Variants in TIGD4 observed in about 807,000 individuals in gnomAD.
The protein encoded by TIGD4 is tigger transposable element-derived protein 4.
A neutral mutation model predicts 24.9 loss-of-function variants in TIGD4; 20 were observed. The ratio of observed to expected loss-of-function variants is 0.80; its 90% CI spans 0.56 to 1.17. The LOEUF is 1.17. Among genes scored for constraint, TIGD4 ranks in the 50% most tolerant of loss-of-function variants. The pLI, the probability that TIGD4 is intolerant of heterozygous loss-of-function variation, is 0.00. For missense variants in TIGD4, 566 were observed against 591.0 expected (o/e 0.96, Z 0.44); for synonymous variants, 193 against 211.0 (o/e 0.91, Z 0.74).
chr4:152,773,729 C>T (rs1027371146), intron 1 of TIGD4, among the ~76,000 whole-genome samples: 1 of 149,826 alleles, frequency 6.7e-6, no homozygotes, highest in Non-Finnish European at 1.5e-5. Context: ...AATAGCAACT[C>T]TATCTGTCAG....
rs769409339 is a variant in TIGD4, at chr4:152,770,922, T to A, written c.83A>T (p.Asp28Val). The change falls in exon 2 of 2, where the codon GAC (aspartate) becomes GTC (valine). Residue 28 changes from aspartate to valine, a missense_variant. Coordinates refer to ENST00000304337, the MANE Select transcript of TIGD4 (RefSeq NM_145720.4). The part of the protein sequence containing the change: ...KKSLSIEEKI[D>V]IINAVESGKK... ...GCCACTTTCCACTGCATTTATGATG[T>A]CGATCTTTTCCTCAATGGATAGGCT... 237 of 1,613,992 alleles carry A rather than the reference T, an allele frequency of 1.5e-4. 2 individuals carry two copies. The South Asian group carries it at 2.5e-3, about 17-fold the overall frequency.
chr4:152,778,121 T>C (rs1730291678), intron 1 of TIGD4, among the ~76,000 whole-genome samples: 1 of 151,990 alleles, frequency 6.6e-6, no homozygotes. Flanking sequence ...CCAAGGAAAC[T>C]ATGAACAAAC....
intron 1 of TIGD4, among the ~76,000 whole-genome samples, chr4:152,772,863 C>A (rs1730200439): frequency 6.6e-6 from 1 of 152,144 alleles, no homozygotes. Flanking sequence ...AGGCACACGC[C>A]ACCACGTCCA....
chr4:152,771,603 T>C (rs1212127668), intron 1 of TIGD4, 61 bp from the exon 2 acceptor site: 1 of 155,000 alleles, frequency 6.5e-6, no homozygotes, highest in Non-Finnish European at 1.5e-5. Flanking sequence ...AATATTAAAA[T>C]AATGCTTATA....
chr4:152,779,591 G>T lies in TIGD4; in HGVS notation c.-648C>A, dbSNP rs369776556. On this transcript the variant is annotated 5_prime_UTR_variant, in exon 1 of 2. Coordinates refer to ENST00000304337, the MANE Select transcript of TIGD4 (RefSeq NM_145720.4). ...CCCGGCACCAGCTCACGGTCTGTTGGGGGGGTCCTCCTAACGTGTGAGGCT... is the reference window on the plus strand; with the variant it reads ...CCCGGCACCAGCTCACGGTCTGTTGTGGGGGTCCTCCTAACGTGTGAGGCT... The T allele has an allele frequency of 1.3e-5, 2 of 152,400 alleles. No homozygotes were observed. Among genetic ancestry groups the T allele is most frequent in the South Asian group, 4.1e-4 (2 of 4,826 alleles). The allele number at this position is 152,400 out of a possible 1,614,324, so 9.4% of individuals were successfully genotyped here.
Position 152,770,861 on chromosome 4 carries a change from T to C in TIGD4, c.144A>G (p.Ile48Met), listed in dbSNP as rs757161985. ...KKAEIAAEYG[I>M]KKNSLSSIMK... ...TAATAGAAGACAATGAATTTTTCTTTATTCCATATTCAGCAGCAATCTCTG... is the reference window on the plus strand; with the variant it reads ...TAATAGAAGACAATGAATTTTTCTTCATTCCATATTCAGCAGCAATCTCTG... The change falls in exon 2 of 2, where the codon ATA (isoleucine) becomes ATG (methionine). Residue 48 changes from isoleucine (I) to methionine (M), a missense_variant. Coordinates refer to ENST00000304337, the MANE Select transcript of TIGD4 (RefSeq NM_145720.4). The C allele has an allele frequency of 1.9e-6, 3 of 1,613,728 alleles. No homozygotes were observed. The highest frequency in any genetic ancestry group is 2.5e-6 in the Non-Finnish European group (3 of 1,179,866).
At chr4:152,772,616 T>C (rs997117234) in intron 1 of TIGD4, among the ~76,000 whole-genome samples, 3 of 152,230 alleles carry the variant, frequency 2.0e-5, no homozygotes, top group Non-Finnish European at 4.4e-5. Context: ...TCATGTCTTT[T>C]GGCTGTGTGA....
At position 152,770,733 on chromosome 4, in the gene TIGD4, A is replaced by G. The variant is rs1384775365; in HGVS notation, c.272T>C (p.Leu91Ser). 3 of 1,613,738 alleles carry G rather than the reference A, an allele frequency of 1.9e-6. No homozygotes were observed. Among genetic ancestry groups the G allele is most frequent in the Non-Finnish European group, 2.5e-6 (3 of 1,179,842 alleles). The change falls in exon 2 of 2, where the codon TTA (leucine) becomes TCA (serine). Residue 91 changes from leucine (L) to serine (S), a missense_variant. Leu to Ser is a moderately radical substitution (Grantham distance 145). Coordinates refer to ENST00000304337, the MANE Select transcript of TIGD4 (RefSeq NM_145720.4). ...TAFYTDLEEA[L>S]MRWYRIAQCL... ...CTGAGCAATTCGATACCATCTCATT[A>G]ATGCCTCTTCCAGATCTGTGTAAAA...
rs1730137638 is a variant in TIGD4, at chr4:152,770,104, A to AT, written c.900dup (p.Ser301IlefsTer3). On this transcript the variant is annotated frameshift_variant, in exon 2 of 2. Transcript: ENST00000304337. LOFTEE classifies it high-confidence loss of function. The stretch of plus-strand genomic sequence containing the variant: ...GATGGAAAGAATGCTAACTCAATGG[A>AT]TTTTAGGTTCTTTACCTCTGGATGT... The AT allele has an allele frequency of 1.2e-6, 2 of 1,614,082 alleles. No individual in the cohort carries two copies. The highest frequency in any genetic ancestry group is 1.7e-5 in the Admixed American group (1 of 60,022).
intron 1 of TIGD4, among the ~76,000 whole-genome samples, chr4:152,777,818 A>G (rs577570228): frequency 5.3e-5 from 8 of 152,100 alleles, no homozygotes; most frequent in Non-Finnish European, 8.8e-5. Context: ...TGCTGCTTCC[A>G]TTGTCTCAAA....
chr4:152,778,546 T>G (rs1730307179), intron 1 of TIGD4, among the ~76,000 whole-genome samples: 1 of 152,256 alleles, frequency 6.6e-6, no homozygotes, highest in Non-Finnish European at 1.5e-5. Flanking sequence ...TTTGAGTGGG[T>G]TGGCATATAT....
chr4:152,778,187 ATAGT>A (rs1730294620), intron 1 of TIGD4, among the ~76,000 whole-genome samples: 2 of 152,308 alleles, frequency 1.3e-5, no homozygotes, highest in Non-Finnish European at 2.9e-5. Flanking sequence ...TGACAGTCTA[ATAGT>A]TAGACTAACT....
Position 152,770,516 on chromosome 4 carries a change from G to A in TIGD4, c.489C>T (p.Tyr163=), listed in dbSNP as rs746145962. 1.2e-5 allele frequency: 19 copies of A among 1,612,610 alleles called. No individual in the cohort carries two copies. Among genetic ancestry groups the A allele is most frequent in the Non-Finnish European group, 1.6e-5 (19 of 1,179,360 alleles). The change falls in exon 2 of 2, where the codon TAC becomes TAT. Residue 163 remains tyrosine, a synonymous_variant. Transcript: ENST00000304337. ...GVPVDPSTVW[Y]QNVLPYYLND... ...TTAAATAATAAGGAAGTACATTTTG[G>A]TACCAGACAGTCGAAGGGTCTACTG...
intron 1 of TIGD4, among the ~76,000 whole-genome samples, chr4:152,775,433 C>T (rs1487480026): frequency 1.3e-5 from 2 of 152,178 alleles, no homozygotes; most frequent in African/African-American, 2.4e-5. Flanking sequence ...AGATGTTGGT[C>T]AGAAGCTGGG....
At chr4:152,772,357 AG>A (rs1279551141) in intron 1 of TIGD4, among the ~76,000 whole-genome samples, 1 of 151,860 alleles carries the variant, frequency 6.6e-6, no homozygotes, top group Non-Finnish European at 1.5e-5. Context: ...AAAAAAAAAA[AG>A]GTGCCAGGCA....
intron 1 of TIGD4, among the ~76,000 whole-genome samples, chr4:152,777,951 T>C (rs139851946): frequency 7.9e-5 from 12 of 152,200 alleles, no homozygotes; most frequent in Non-Finnish European, 1.6e-4. Flanking sequence ...TAATCCTGTG[T>C]ATATATAGCC....
chr4:152,772,439 A>G (rs938624309), intron 1 of TIGD4, among the ~76,000 whole-genome samples: 6 of 152,190 alleles, frequency 3.9e-5, no homozygotes, highest in African/African-American at 1.4e-4. Context: ...AACCATATGA[A>G]GCTTCAGCTT....
chr4:152,770,510 A>T lies in TIGD4; in HGVS notation c.495T>A (p.Asn165Lys), dbSNP rs896128113. The T allele has an allele frequency of 6.2e-7, 1 of 1,612,378 alleles. No homozygotes were observed. Among genetic ancestry groups the T allele is most frequent in the East Asian group, 2.2e-5 (1 of 44,872 alleles). The change falls in exon 2 of 2, where the codon AAT (asparagine) becomes AAA (lysine). Residue 165 changes from asparagine (N) to lysine (K), a missense_variant. By Grantham distance (94) the Asn-to-Lys change is moderately conservative (BLOSUM62 0). Transcript: ENST00000304337. ...AATCATTTAAATAATAAGGAAGTAC[A>T]TTTTGGTACCAGACAGTCGAAGGGT... The part of the protein sequence containing the change: ...PVDPSTVWYQ[N>K]VLPYYLNDYH...
chr4:152,769,418 TA>T lies in TIGD4; in HGVS notation c.*47del, dbSNP rs766131160. The T allele has an allele frequency of 4.2e-5, 55 of 1,314,802 alleles. No individual in the cohort carries two copies. Among genetic ancestry groups the T allele is most frequent in the Non-Finnish European group, 2.1e-6 (2 of 971,556 alleles). The allele number at this position is 1,314,802 out of a possible 1,614,324, so 81.4% of individuals were successfully genotyped here. On this transcript the variant is annotated 3_prime_UTR_variant, in exon 2 of 2. Transcript: ENST00000304337. ...CAACTCCTTTACATACCTTATATAA[TA>T]AAATGTATCAGGAAAAGCTATTACT...
Sources: gnomAD v4.1 joint callset for allele counts (sites outside exome capture counted in the v4.1 genomes callset) on GRCh38, gnomAD v4.1.1 for gene constraint, MANE v1.5 for transcripts, NCBI Gene and HGNC (gene_info 2026-07-23, HGNC 2026-07-21) for gene names.